The following TMEM232 variants were observed in gnomAD, a reference collection of about 807,000 sequenced individuals.
The protein encoded by TMEM232 is transmembrane protein 232.
Under a neutral mutation model 78.8 loss-of-function variants are expected in TMEM232, and 80 were observed. The ratio of observed to expected loss-of-function variants is 1.01; its 90% CI spans 0.85 to 1.22. The LOEUF is 1.22. Ranked by LOEUF, TMEM232 falls within the 50% of genes most tolerant of loss-of-function variation. TMEM232 has a pLI of 0.00. For synonymous variants in TMEM232, 297 were observed against 254.3 expected (o/e 1.17, Z -1.60); for missense variants, 881 against 742.2 (o/e 1.19, Z -2.17).
intron 1 of TMEM232, among the ~76,000 whole-genome samples, chr5:110,670,422 C>T (rs1580599059): frequency 1.3e-5 from 2 of 152,246 alleles, no homozygotes; most frequent in Middle Eastern, 3.4e-3. Context: ...ATCCAACTTA[C>T]AAGGGATGTG....
intron 1 of TMEM232, among the ~76,000 whole-genome samples, chr5:110,699,556 G>A (rs1795200183): frequency 6.6e-6 from 1 of 151,902 alleles, no homozygotes; most frequent in African/African-American, 2.4e-5. Flanking sequence ...AGAAAGAATG[G>A]GATAGAATTT....
chr5:110,458,057 T>C (rs1761085494), intron 12 of TMEM232, among the ~76,000 whole-genome samples: 3 of 152,176 alleles, frequency 2.0e-5, no homozygotes, highest in Admixed American at 2.0e-4. Context: ...TTGTTACTTT[T>C]ATTTCATCTC....
chr5:110,625,470 T>C, intron 6 of TMEM232, 37 bp from the exon 7 acceptor site: 1 of 1,474,780 alleles, frequency 6.8e-7, no homozygotes. Context: ...AAATAATTTA[T>C]TAATATTTTG....
At chr5:110,587,691 ATGTGTGTGTGTGTGTGTG>A (rs147127408) in intron 10 of TMEM232, among the ~76,000 whole-genome samples, 15 of 63,126 alleles carry the variant, frequency 2.4e-4, no homozygotes, top group Non-Finnish European at 3.9e-4. Flanking sequence ...ATATATATAT[ATGTGTGTGTGTGTGTGTG>A]TGTGTGTGTG....
At chr5:110,662,046 G>C (rs1352983820) in intron 2 of TMEM232, among the ~76,000 whole-genome samples, 1 of 152,070 alleles carries the variant, frequency 6.6e-6, no homozygotes. Flanking sequence ...CTGGTTAATA[G>C]TCCCTTGTCA....
intron 1 of TMEM232, among the ~76,000 whole-genome samples, chr5:110,708,480 T>G (rs1340545576): frequency 6.6e-6 from 1 of 152,138 alleles, no homozygotes; most frequent in Non-Finnish European, 1.5e-5. Flanking sequence ...TAAACTACTC[T>G]TAAGTAGAAA....
intron 11 of TMEM232, among the ~76,000 whole-genome samples, chr5:110,560,000 TA>T (rs1386824007): frequency 3.9e-5 from 6 of 152,166 alleles, no homozygotes; most frequent in East Asian, 1.9e-4. Context: ...CTTATTGGAT[TA>T]GGGGCCCATC....
chr5:110,426,256 A>G (rs1757221914), intron 12 of TMEM232, among the ~76,000 whole-genome samples: 1 of 151,874 alleles, frequency 6.6e-6, no homozygotes, highest in African/African-American at 2.4e-5. Flanking sequence ...TCAAGTTGTA[A>G]TTTTACATTT....
At chr5:110,473,053 C>T (rs192205365) in intron 12 of TMEM232, among the ~76,000 whole-genome samples, 1 of 142,046 alleles carries the variant, frequency 7.0e-6, no homozygotes, top group East Asian at 2.0e-4. Flanking sequence ...GCACAGGCAA[C>T]AAATGCAAAA....
chr5:110,408,698 A>C (rs567357939), intron 2 of TMEM232, among the ~76,000 whole-genome samples: 1 of 152,336 alleles, frequency 6.6e-6, no homozygotes, highest in South Asian at 2.1e-4. Context: ...CTTAGAAAAA[A>C]TAGAAGACCC....
chr5:110,504,018 A>C (rs1247790231), intron 12 of TMEM232, among the ~76,000 whole-genome samples: 1 of 152,218 alleles, frequency 6.6e-6, no homozygotes, highest in African/African-American at 2.4e-5. Context: ...TCCTTGGACT[A>C]TCTTGGCAGT....
At chr5:110,725,541 G>A (rs1334673999) in intron 1 of TMEM232, 1 of 152,150 alleles carries the variant, frequency 6.6e-6, no homozygotes, top group Non-Finnish European at 1.5e-5. Flanking sequence ...TACTCATTAA[G>A]ATCATAAGGG....
chr5:110,720,008 T>G (rs1211434870), intron 1 of TMEM232, among the ~76,000 whole-genome samples: 1 of 152,170 alleles, frequency 6.6e-6, no homozygotes, highest in South Asian at 2.1e-4. Context: ...GTGAACTAGA[T>G]GTCCTGAAGT....
chr5:110,650,515 C>T (rs1039042943), intron 2 of TMEM232, among the ~76,000 whole-genome samples: 12 of 152,014 alleles, frequency 7.9e-5, no homozygotes, highest in Non-Finnish European at 1.5e-4. Flanking sequence ...TTGTATGTAC[C>T]CCTGATGTGA....
intron 5 of TMEM232, among the ~76,000 whole-genome samples, chr5:110,629,517 C>G (rs1784851660): frequency 6.6e-6 from 1 of 152,054 alleles, no homozygotes; most frequent in South Asian, 2.1e-4. Context: ...TGTACATATT[C>G]TCTTTGTTGT....
At chr5:110,633,227 A>G (rs1395096205) in intron 5 of TMEM232, among the ~76,000 whole-genome samples, 1 of 152,228 alleles carries the variant, frequency 6.6e-6, no homozygotes, top group South Asian at 2.1e-4. Context: ...CTTACAAAAA[A>G]TGTTCAAGGG....
intron 11 of TMEM232, among the ~76,000 whole-genome samples, chr5:110,534,703 A>G (rs983026584): frequency 2.6e-5 from 4 of 152,160 alleles, no homozygotes; most frequent in Non-Finnish European, 5.9e-5. Context: ...GCTATCCCCA[A>G]ACTATCACTC....
chr5:110,693,187 C>A (rs549325824), intron 1 of TMEM232, among the ~76,000 whole-genome samples: 1 of 152,322 alleles, frequency 6.6e-6, no homozygotes, highest in South Asian at 2.1e-4. Context: ...GACACCCAGG[C>A]AAACAGGGTC....
intron 4 of TMEM232, chr5:110,390,374 T>C (rs538830332): frequency 6.6e-6 from 1 of 152,290 alleles, no homozygotes; most frequent in East Asian, 1.9e-4. Flanking sequence ...TCTTACACAA[T>C]ATAAAGTGAC....
Sources: gnomAD v4.1 joint callset for allele counts (sites outside exome capture counted in the v4.1 genomes callset) on GRCh38, gnomAD v4.1.1 for gene constraint, MANE v1.5 for transcripts, NCBI Gene and HGNC (gene_info 2026-07-23, HGNC 2026-07-21) for gene names.